GPR39: variants seen among roughly 807,000 people sequenced by gnomAD.
The protein encoded by GPR39 is zinc sensing receptor.
GPR39 carries 23 observed loss-of-function variants against 18.4 expected under a neutral mutation model. The ratio of observed to expected loss-of-function variants is 1.25; its 90% confidence interval spans 0.90 to 1.77. GPR39 has a LOEUF of 1.77. GPR39 is among the 40% of genes most tolerant of loss of function. The pLI is 0.00. For synonymous variants in GPR39, 280 were observed against 257.9 expected (o/e 1.09, Z -0.82); for missense variants, 647 against 602.4 (o/e 1.07, Z -0.78).
intron 1 of GPR39, among the ~76,000 whole-genome samples, chr2:132,616,029 C>G (rs1309904866): frequency 6.7e-6 from 1 of 150,246 alleles, no homozygotes; most frequent in Non-Finnish European, 1.5e-5. Context: ...GGAATGCAAA[C>G]AGCCTCCCTC....
chr2:132,546,690 A>G (rs1254702200), intron 1 of GPR39, among the ~76,000 whole-genome samples: 1 of 147,912 alleles, frequency 6.8e-6, no homozygotes, highest in Non-Finnish European at 1.5e-5. Context: ...AAAATAGAAA[A>G]CTCGGTCCAG....
intron 1 of GPR39, among the ~76,000 whole-genome samples, chr2:132,644,508 A>C (rs536531903): frequency 3.3e-4 from 51 of 152,382 alleles, no homozygotes; most frequent in Non-Finnish European, 1.6e-4. Flanking sequence ...GTGCATACCT[A>C]GTATGTATAT....
At chr2:132,490,434 G>C (rs377745711) in intron 1 of GPR39, among the ~76,000 whole-genome samples, 2 of 151,728 alleles carry the variant, frequency 1.3e-5, no homozygotes, top group Non-Finnish European at 2.9e-5. Flanking sequence ...AGGTTTATTC[G>C]ATATTTAACG....
intron 1 of GPR39, among the ~76,000 whole-genome samples, chr2:132,563,157 G>A (rs985258582): frequency 2.8e-4 from 42 of 152,264 alleles, no homozygotes; most frequent in African/African-American, 7.9e-4. Context: ...TCATAGGATC[G>A]CACTTGCTAA....
intron 1 of GPR39, among the ~76,000 whole-genome samples, chr2:132,450,394 T>C (rs184445769): frequency 7.2e-5 from 11 of 152,368 alleles, no homozygotes; most frequent in African/African-American, 2.4e-4. Flanking sequence ...TACTTTGTAA[T>C]GGACATTTGA....
Position 132,634,875 on chromosome 2 carries a change from C to G in GPR39, c.857-10226C>G, listed in dbSNP as rs551683501. Among the ~76,000 whole-genome samples the G allele has an allele frequency of 3.3e-5, 5 of 152,222 alleles. No homozygotes were observed. The East Asian group carries it at 9.7e-4, about 29-fold the overall frequency. On this transcript the variant is annotated intron_variant, in intron 1 of 1. Transcript: ENST00000329321. ...CTTGCATATGTACTCTGTTTGTACCCCATAGGGCCATCACAGACAGAAACA... is the reference window on the plus strand; with the variant it reads ...CTTGCATATGTACTCTGTTTGTACCGCATAGGGCCATCACAGACAGAAACA...
At chr2:132,450,483 G>A (rs1403572275) in intron 1 of GPR39, among the ~76,000 whole-genome samples, 1 of 152,220 alleles carries the variant, frequency 6.6e-6, no homozygotes, top group Non-Finnish European at 1.5e-5. Flanking sequence ...TCTGCATATG[G>A]TTGTTACCTA....
chr2:132,527,127 G>T (rs1679528441), intron 1 of GPR39, among the ~76,000 whole-genome samples: 1 of 151,884 alleles, frequency 6.6e-6, no homozygotes, highest in Non-Finnish European at 1.5e-5. Flanking sequence ...TCAGGCCCTG[G>T]TGAGTCTCTG....
At chr2:132,420,458 T>C (rs1019677710) in intron 1 of GPR39, among the ~76,000 whole-genome samples, 2 of 152,262 alleles carry the variant, frequency 1.3e-5, no homozygotes, top group African/African-American at 4.8e-5. Context: ...TTGGGGCATT[T>C]TTAACCCAGA....
At chr2:132,531,437 C>T (rs990587661) in intron 1 of GPR39, among the ~76,000 whole-genome samples, 56 of 152,186 alleles carry the variant, frequency 3.7e-4, no homozygotes, top group African/African-American at 1.3e-3. Flanking sequence ...CAACATTAGA[C>T]AGATCAACGA....
chr2:132,537,965 T>G (rs2104782554), intron 1 of GPR39, among the ~76,000 whole-genome samples: 1 of 152,248 alleles, frequency 6.6e-6, no homozygotes, highest in Admixed American at 6.5e-5. Context: ...ATTAAAATTC[T>G]TAGCTTCTTT....
In GPR39 at chr2:132,471,345, G is replaced by T. The variant is rs527264224; in HGVS notation, c.856+53447G>T. Among the ~76,000 whole-genome samples, 4 of 152,268 alleles carry T rather than the reference G, an allele frequency of 2.6e-5. No homozygotes were observed. In the South Asian group the frequency reaches 8.3e-4, roughly 32 times the overall value. ...CTCTAGTCCATGAGGATATAGACCT[G>T]TTCTACTGGCATGAGTGCCTAAAGT... is the stretch of plus-strand genomic sequence containing the variant. On this transcript the variant is annotated intron_variant, in intron 1 of 1. Coordinates refer to ENST00000329321, the MANE Select transcript of GPR39 (RefSeq NM_001508.3).
intron 1 of GPR39, among the ~76,000 whole-genome samples, chr2:132,565,059 T>A (rs1226685848): frequency 6.6e-6 from 1 of 152,024 alleles, no homozygotes; most frequent in Non-Finnish European, 1.5e-5. Flanking sequence ...CCTCAGGTGA[T>A]CCACCTGCCT....
intron 1 of GPR39, among the ~76,000 whole-genome samples, chr2:132,513,462 C>CAAAAAA (rs35917253): frequency 2.7e-5 from 4 of 149,366 alleles, no homozygotes; most frequent in Admixed American, 6.6e-5. Context: ...GACTCTGTCT[C>CAAAAAA]AAAAAAAAAG....
At chr2:132,621,530 T>C (rs1323658993) in intron 1 of GPR39, among the ~76,000 whole-genome samples, 3 of 152,220 alleles carry the variant, frequency 2.0e-5, no homozygotes. Flanking sequence ...GCCAGCTCTC[T>C]GTGGGAGAGT....
intron 1 of GPR39, among the ~76,000 whole-genome samples, chr2:132,624,742 G>A (rs1026669349): frequency 6.6e-6 from 1 of 152,188 alleles, no homozygotes; most frequent in Admixed American, 6.5e-5. Context: ...TCATGTTCTA[G>A]GGTGCAGCTT....
chr2:132,444,919 C>T (rs549447347), intron 1 of GPR39, among the ~76,000 whole-genome samples: 1 of 152,094 alleles, frequency 6.6e-6, no homozygotes, highest in East Asian at 1.9e-4. Flanking sequence ...TTTGAGTGGG[C>T]GACATATCCC....
intron 1 of GPR39, among the ~76,000 whole-genome samples, chr2:132,473,197 C>A (rs1681065144): frequency 6.6e-6 from 1 of 152,162 alleles, no homozygotes; most frequent in Non-Finnish European, 1.5e-5. Context: ...AGCAGGTGTT[C>A]TAGGAGCAAG....
chr2:132,419,529 G>C (rs768414356), intron 1 of GPR39, among the ~76,000 whole-genome samples: 1 of 152,214 alleles, frequency 6.6e-6, no homozygotes, highest in Non-Finnish European at 1.5e-5. Context: ...AGTAGGTAAC[G>C]TTATCTTGGG....
Sources: gnomAD v4.1 joint callset for allele counts (sites outside exome capture counted in the v4.1 genomes callset) on GRCh38, gnomAD v4.1.1 for gene constraint, MANE v1.5 for transcripts, NCBI Gene and HGNC (gene_info 2026-07-23, HGNC 2026-07-21) for gene names.